Variants in BCAS3 observed in about 807,000 individuals in gnomAD.
The protein encoded by BCAS3 is BCAS4/BCAS3 fusion.
A neutral mutation model predicts 116.1 loss-of-function variants in BCAS3; 53 were observed. That is an observed-to-expected ratio of 0.46 (90% CI 0.37 to 0.57). The LOEUF (loss-of-function observed/expected upper bound fraction) is 0.57, where lower values mean the gene tolerates loss of function less well. BCAS3 is among the 20% of genes least tolerant of loss of function. The probability of loss-of-function intolerance (pLI) is 0.00; values close to 1 mark genes in which losing one functional copy is unlikely to be tolerated. For synonymous variants in BCAS3, 391 were observed against 408.2 expected, an observed-to-expected ratio of 0.96 and a Z score of 0.51; for missense variants, 917 against 1,165.4, an observed-to-expected ratio of 0.79 and a Z score of 3.10.
intron 20 of BCAS3, among the ~76,000 whole-genome samples, chr17:61,076,339 A>G (rs1490891471): frequency 1.3e-5 from 2 of 152,196 alleles, no homozygotes; most frequent in African/African-American, 2.4e-5. Context: ...CCTGAAAACT[A>G]AAGTCTGGAA....
At chr17:60,932,937 G>T (rs1241619320) in intron 13 of BCAS3, among the ~76,000 whole-genome samples, 1 of 151,970 alleles carries the variant, frequency 6.6e-6, no homozygotes, top group East Asian at 1.9e-4. Flanking sequence ...CACTTTGGGA[G>T]GCCGAGGAGG....
intron 22 of BCAS3, among the ~76,000 whole-genome samples, chr17:61,150,173 G>A (rs957750261): frequency 6.6e-6 from 1 of 152,170 alleles, no homozygotes; most frequent in African/African-American, 2.4e-5. Context: ...GAGGTTAATA[G>A]GAGTCTATTG....
chr17:60,709,397 CT>C (rs113697207), intron 5 of BCAS3, 72 bp downstream of exon 5: 46,994 of 731,602 alleles, frequency 0.064, 572 homozygotes, highest in East Asian at 0.14. Flanking sequence ...TCTGTAGATA[CT>C]TTTTTTTTTT....
chr17:60,938,085 G>A (rs1471943340), intron 13 of BCAS3, among the ~76,000 whole-genome samples: 3 of 151,990 alleles, frequency 2.0e-5, no homozygotes, highest in African/African-American at 4.8e-5. Flanking sequence ...CCGTAGAGAC[G>A]GGATTTCACC....
In BCAS3 at chr17:60,829,518, G is replaced by A. The variant is rs117620963; in HGVS notation, c.476+21442G>A. On this transcript the variant is annotated intron_variant, in intron 7 of 23. Coordinates refer to ENST00000407086, the MANE Select transcript of BCAS3 (RefSeq NM_017679.5). ...CAAAAAAAAAAAAAAAGTAGAGAAG[G>A]TAGTTAGATAAAGTTGGACAGGACA... Among the ~76,000 whole-genome samples, 569 of 151,348 alleles carry A rather than the reference G, an allele frequency of 3.8e-3. 3 individuals are homozygous for A. Among genetic ancestry groups the A allele is most frequent in the Non-Finnish European group, 6.2e-3 (422 of 67,808 alleles).
In BCAS3 at chr17:61,199,387, A is replaced by G. The variant is rs1169522865; in HGVS notation, c.2425+114823A>G. On this transcript the variant is annotated intron_variant, in intron 22 of 23. Transcript: ENST00000407086. This position sits in a 1 kb window ranked among gnomAD's most constrained non-coding sequence, Gnocchi z 4.6. ...GTGGGCACCTAGTGCATGGTGTTACAGTAAAGACAACTCGACATCATACTG... is the reference window on the plus strand; with the variant it reads ...GTGGGCACCTAGTGCATGGTGTTACGGTAAAGACAACTCGACATCATACTG... Among the ~76,000 whole-genome samples the G allele has an allele frequency of 6.6e-6, 1 of 152,254 alleles. No homozygotes were observed. Among genetic ancestry groups the G allele is most frequent in the Non-Finnish European group, 1.5e-5 (1 of 68,046 alleles).
chr17:60,974,974 T>TTTTTTG, intron 14 of BCAS3, among the ~76,000 whole-genome samples: 1 of 138,348 alleles, frequency 7.2e-6, no homozygotes, highest in African/African-American at 3.5e-5. Context: ...AAGCCATTTG[T>TTTTTTG]TTTTTTTGTT....
Position 61,309,761 on chromosome 17 carries a change from G to C in BCAS3, c.2426-58566G>C, listed in dbSNP as rs2054151265. On this transcript the variant is annotated intron_variant, in intron 22 of 23. Coordinates refer to ENST00000407086, the MANE Select transcript of BCAS3 (RefSeq NM_017679.5). This position sits in a 1 kb window ranked among gnomAD's most constrained non-coding sequence, Gnocchi z 4.6. ...TGTGGAAAAGTAGTGGCCTGTTTAT[G>C]GGTTGAGGAGGCAGTACAGGGTGAC... Among the ~76,000 whole-genome samples, 1 of 152,108 alleles carries C rather than the reference G, an allele frequency of 6.6e-6. No homozygotes were observed. Among genetic ancestry groups the C allele is most frequent in the African/African-American group, 2.4e-5 (1 of 41,424 alleles).
intron 13 of BCAS3, among the ~76,000 whole-genome samples, chr17:60,940,299 T>G (rs933649522): frequency 6.6e-6 from 1 of 152,188 alleles, no homozygotes; most frequent in African/African-American, 2.4e-5. Flanking sequence ...TTTAACAGAG[T>G]GTTATGTAGC....
At chr17:61,142,456 A>G (rs1300510813) in intron 22 of BCAS3, among the ~76,000 whole-genome samples, 4 of 152,272 alleles carry the variant, frequency 2.6e-5, no homozygotes, top group Admixed American at 2.0e-4. Flanking sequence ...ATCAGCCCTC[A>G]TGTAAAACAA....
At chr17:60,868,152 G>A (rs1460358593) in intron 7 of BCAS3, among the ~76,000 whole-genome samples, 1 of 151,676 alleles carries the variant, frequency 6.6e-6, no homozygotes, top group Non-Finnish European at 1.5e-5. Context: ...GCCTCCCAGA[G>A]AAGCTGGGAC....
intron 5 of BCAS3, among the ~76,000 whole-genome samples, chr17:60,739,225 TAC>T (rs946536068): frequency 2.0e-5 from 3 of 152,220 alleles, no homozygotes; most frequent in African/African-American, 4.8e-5. Context: ...TGCATATATA[TAC>T]ACACACAATA....
chr17:60,936,690 A>G (rs1268111187), intron 13 of BCAS3, among the ~76,000 whole-genome samples: 5 of 151,906 alleles, frequency 3.3e-5, no homozygotes, highest in African/African-American at 1.2e-4. Flanking sequence ...TCCTTCACCC[A>G]CTTTTTGATG....
At chr17:61,350,243 C>T (rs756983198) in intron 22 of BCAS3, among the ~76,000 whole-genome samples, 10 of 151,774 alleles carry the variant, frequency 6.6e-5, no homozygotes, top group Middle Eastern at 3.2e-3. Flanking sequence ...GGTGAAACCC[C>T]GTCTCTACTA....
intron 9 of BCAS3, among the ~76,000 whole-genome samples, chr17:60,887,661 T>G (rs561055995): frequency 6.6e-6 from 1 of 152,286 alleles, no homozygotes; most frequent in South Asian, 2.1e-4. Flanking sequence ...AGTGGACTTA[T>G]AAATGTAAAT....
chr17:60,769,011 G>T (rs2044383945), intron 6 of BCAS3, among the ~76,000 whole-genome samples: 1 of 152,164 alleles, frequency 6.6e-6, no homozygotes, highest in Admixed American at 6.5e-5. Context: ...TGACTTGATG[G>T]TGGTACATAG....
chr17:60,915,600 A>G (rs1470985788), intron 12 of BCAS3, among the ~76,000 whole-genome samples: 1 of 137,130 alleles, frequency 7.3e-6, no homozygotes, highest in Non-Finnish European at 1.5e-5. Context: ...ACATTATGTA[A>G]TATTTTAAGA....
At chr17:60,711,494 C>G (rs775637986) in intron 5 of BCAS3, among the ~76,000 whole-genome samples, 2 of 152,100 alleles carry the variant, frequency 1.3e-5, no homozygotes, top group Admixed American at 6.5e-5. Context: ...ATACCTTTAA[C>G]AAGAGGGTTG....
intron 6 of BCAS3, among the ~76,000 whole-genome samples, chr17:60,797,597 A>G (rs1369925346): frequency 2.0e-5 from 3 of 152,026 alleles, no homozygotes; most frequent in Non-Finnish European, 4.4e-5. Context: ...TGTTTGTTAC[A>G]TAGGTATACA....
Sources: gnomAD v4.1 joint callset for allele counts (sites outside exome capture counted in the v4.1 genomes callset) on GRCh38, gnomAD v4.1.1 for gene constraint, Gnocchi (gnomAD v3.1) non-coding constraint, MANE v1.5 for transcripts, NCBI Gene and HGNC (gene_info 2026-07-23, HGNC 2026-07-21) for gene names.